The following EPS15L1 variants were observed in gnomAD, a reference collection of about 807,000 sequenced individuals.
The protein encoded by EPS15L1 is epidermal growth factor receptor substrate 15-like 1.
Under a neutral mutation model 117.1 loss-of-function variants are expected in EPS15L1, and 43 were observed. The ratio of observed to expected loss-of-function variants is 0.37; its 90% confidence interval spans 0.29 to 0.47. The LOEUF (loss-of-function observed/expected upper bound fraction) is 0.47, where lower values mean the gene tolerates loss of function less well. EPS15L1 is among the 20% of genes least tolerant of loss of function. The pLI is 0.99. For synonymous variants in EPS15L1, 459 were observed against 470.5 expected, an observed-to-expected ratio of 0.98 and a Z score of 0.32; for missense variants, 981 against 1,164.0, an observed-to-expected ratio of 0.84 and a Z score of 2.29.
At chr19:16,471,974 G>C (rs7252649), upstream of EPS15L1, 16 of 1,268,762 alleles carry the variant, frequency 1.3e-5, no homozygotes, top group African/African-American at 3.1e-5. This position sits in a 1 kb window ranked among gnomAD's most constrained non-coding sequence, Gnocchi z 4.8. Flanking sequence ...TCCGAGCGCC[G>C]GGGGAACGGG....
At chr19:16,426,460 C>T (rs1037669455) in intron 8 of EPS15L1, among the ~76,000 whole-genome samples, 1 of 152,020 alleles carries the variant, frequency 6.6e-6, no homozygotes, top group African/African-American at 2.4e-5. Context: ...AGGGAGAAAC[C>T]GCATCTCTAC....
intron 9 of EPS15L1, 137 bp from the exon 10 acceptor site, chr19:16,421,613 G>A (rs1599621347): frequency 5.6e-6 from 5 of 894,982 alleles, no homozygotes; most frequent in Non-Finnish European, 8.5e-6. Context: ...TGAGCCAAGA[G>A]GGCAGATGTG....
chr19:16,390,218 T>C (rs1238653290), intron 19 of EPS15L1, among the ~76,000 whole-genome samples: 1 of 152,142 alleles, frequency 6.6e-6, no homozygotes, highest in Non-Finnish European at 1.5e-5. Context: ...ATGAGGAGAA[T>C]GAAGTGATTA....
Position 16,393,960 on chromosome 19 carries a change from TTGTCTGC to T in EPS15L1, c.1950_1956del (p.Gln651LeufsTer75). 1 of 1,614,044 alleles carries T rather than the reference TTGTCTGC, an allele frequency of 6.2e-7. No homozygotes were observed. The highest frequency in any genetic ancestry group is 2.2e-5 in the East Asian group (1 of 44,870). On this transcript the variant is annotated frameshift_variant, in exon 18 of 24. Coordinates refer to ENST00000455140, the MANE Select transcript of EPS15L1 (RefSeq NM_001258374.3). LOFTEE classifies it high-confidence loss of function. ...AAACACTGAATTTTACCTGTTGAAGTTGTCTGCTGTTCTGCAAAGGGGTCATTCTGGA... is the reference window on the plus strand; with the variant it reads ...AAACACTGAATTTTACCTGTTGAAGTTGTTCTGCAAAGGGGTCATTCTGGA...
intron 16 of EPS15L1, 98 bp from the exon 17 acceptor site, chr19:16,395,565 G>C: frequency 8.2e-7 from 1 of 1,224,466 alleles, no homozygotes. Flanking sequence ...ACTTTGAGTA[G>C]CATGACCCTA....
At chr19:16,461,236 G>A (rs1363790598) in intron 1 of EPS15L1, among the ~76,000 whole-genome samples, 2 of 151,440 alleles carry the variant, frequency 1.3e-5, no homozygotes, top group African/African-American at 2.4e-5. Context: ...CCCGGGAGAC[G>A]GAGCTTGCAG....
At chr19:16,375,892 C>A (rs1175397542) in intron 22 of EPS15L1, among the ~76,000 whole-genome samples, 1 of 152,164 alleles carries the variant, frequency 6.6e-6, no homozygotes, top group Non-Finnish European at 1.5e-5. Context: ...AAAATAACTT[C>A]CCCTATGTTC....
intron 22 of EPS15L1, 142 bp downstream of exon 22, chr19:16,376,980 G>C: frequency 1.8e-6 from 2 of 1,092,186 alleles, no homozygotes; most frequent in Admixed American, 2.8e-5. Context: ...GACCTGGGCA[G>C]CTGGGCCGGG....
rs144315208 is a variant in EPS15L1, at chr19:16,359,337, T to C, written c.2586+2442A>G. On this transcript the variant is annotated intron_variant, in intron 23 of 23. Transcript: ENST00000455140. The stretch of plus-strand genomic sequence containing the variant: ...TCCAGTGAACCCAGAAACCACCAGC[T>C]GATCGGCTGAGCCCCCGAATGCCGT... 2.6e-3 allele frequency among the ~76,000 whole-genome samples: 394 copies of C among 152,292 alleles called. 6 individuals are homozygous for C. Among genetic ancestry groups the C allele is most frequent in the East Asian group, 0.01 (53 of 5,188 alleles).
intron 7 of EPS15L1, among the ~76,000 whole-genome samples, chr19:16,430,186 T>C (rs984111247): frequency 9.8e-5 from 15 of 152,292 alleles, no homozygotes; most frequent in Middle Eastern, 6.8e-3. Flanking sequence ...CTAGAAAGTC[T>C]TCCCCAGCTG....
At chr19:16,426,902 C>A (rs2092878329) in intron 8 of EPS15L1, among the ~76,000 whole-genome samples, 1 of 152,088 alleles carries the variant, frequency 6.6e-6, no homozygotes, top group South Asian at 2.1e-4. Context: ...ATCATAAATG[C>A]AATGCTATGA....
intron 1 of EPS15L1, among the ~76,000 whole-genome samples, chr19:16,449,995 A>T (rs1032046813): frequency 6.6e-6 from 1 of 151,914 alleles, no homozygotes; most frequent in Non-Finnish European, 1.5e-5. Context: ...GATAAGGAAG[A>T]GATGGGCTGG....
rs376656826 is a variant in EPS15L1 at position 16,438,427 on chromosome 19, T to C, written c.214-562A>G. Among the ~76,000 whole-genome samples the C allele has an allele frequency of 9.2e-5, 14 of 152,316 alleles. No individual in the cohort carries two copies. The East Asian group carries it at 2.1e-3, about 23-fold the overall frequency. ...GGAAATCTGTAAAATTTCAGATGCA[T>C]ATATTTTCCAAAAACTATGAGCTCC... On this transcript the variant is annotated intron_variant, in intron 4 of 23. Transcript: ENST00000455140.
In EPS15L1 at chr19:16,392,340, C is replaced by A. The variant is rs771888913; in HGVS notation, c.2067G>T (p.Ser689=). The change falls in exon 19 of 24, where the codon TCG becomes TCT. Residue 689 remains serine (S), a synonymous_variant. Coordinates refer to ENST00000455140, the MANE Select transcript of EPS15L1 (RefSeq NM_001258374.3). ...AGGAAGGGTTTTTCGTGAATGGATC[C>A]GAGGTAAATGGGTCATTCTTTGTCT... is the stretch of plus-strand genomic sequence containing the variant. ...KKQTKNDPFT[S]DPFTKNPSLP... is the part of the protein sequence containing the mutation. 6.2e-7 allele frequency: 1 copy of A among 1,614,122 alleles called. No homozygotes were observed. The highest frequency in any genetic ancestry group is 2.2e-5 in the East Asian group (1 of 44,880).
chr19:16,385,795 C>A (rs1458951273), intron 20 of EPS15L1, among the ~76,000 whole-genome samples: 4 of 152,212 alleles, frequency 2.6e-5, no homozygotes, highest in African/African-American at 9.6e-5. Context: ...AGATGAGGTT[C>A]CTTCAAACAC....
chr19:16,432,866 G>A (rs12462102), intron 7 of EPS15L1, among the ~76,000 whole-genome samples: 4,238 of 147,990 alleles, frequency 0.029, 141 homozygotes, highest in Admixed American at 0.097. Flanking sequence ...GCCATGGCAC[G>A]ATCTCAGCTT....
At position 16,416,692 on chromosome 19, in the gene EPS15L1, C is replaced by T. The variant is rs550057542; in HGVS notation, c.1193+860G>A. Among the ~76,000 whole-genome samples the T allele has an allele frequency of 5.2e-4, 79 of 151,410 alleles. 1 individual carries two copies. The highest frequency in any genetic ancestry group is 8.7e-4 in the Non-Finnish European group (59 of 67,870). On this transcript the variant is annotated intron_variant, in intron 12 of 23. Coordinates refer to ENST00000455140, the MANE Select transcript of EPS15L1 (RefSeq NM_001258374.3). Reference sequence around the variant, plus strand: ...AGCATGGTGGTGCGTCCTAGCTACTCGGGAGGCTGAGGTGGGAGGATTGCT... The same window carrying T: ...AGCATGGTGGTGCGTCCTAGCTACTTGGGAGGCTGAGGTGGGAGGATTGCT...
At position 16,361,944 on chromosome 19, in the gene EPS15L1, A is replaced by G. The variant is rs551006641; in HGVS notation, c.2421T>C (p.Phe807=). The G allele has an allele frequency of 3.1e-6, 5 of 1,613,674 alleles. No homozygotes were observed. In the African/African-American group the frequency reaches 5.3e-5, roughly 17 times the overall value. Residue 807 remains phenylalanine, a synonymous_variant, in exon 23 of 24, where the codon TTT becomes TTC. Coordinates refer to ENST00000455140, the MANE Select transcript of EPS15L1 (RefSeq NM_001258374.3). ...TPVSQLGSAD[F]PEAPDPFQPL... ...GCTGGAATGGATCGGGGGCCTCGGG[A>G]AAGTCTGCGGAACCAAGCTGGCTTA...
chr19:16,431,310 CT>C (rs1047024571), intron 7 of EPS15L1, among the ~76,000 whole-genome samples: 46 of 142,838 alleles, frequency 3.2e-4, no homozygotes, highest in Non-Finnish European at 3.5e-4. Context: ...GGTATACATT[CT>C]TTTTTTTTTT....
Sources: gnomAD v4.1 joint callset for allele counts (sites outside exome capture counted in the v4.1 genomes callset) on GRCh38, gnomAD v4.1.1 for gene constraint, Gnocchi (gnomAD v3.1) non-coding constraint, MANE v1.5 for transcripts, NCBI Gene and HGNC (gene_info 2026-07-23, HGNC 2026-07-21) for gene names.